SLC5A4: variants seen among roughly 807,000 people sequenced by gnomAD.
SLC5A4 encodes solute carrier family 5 member 4, also known as probable glucose sensor protein SLC5A4.
SLC5A4 carries 55 observed loss-of-function variants against 70.3 expected under a neutral mutation model. That is an observed-to-expected ratio of 0.78 (90% confidence interval 0.63 to 0.98). SLC5A4 has a LOEUF of 0.98. Among genes scored for constraint, SLC5A4 ranks in the 50% least tolerant of loss-of-function variants. SLC5A4 has a pLI of 0.00. For missense variants in SLC5A4, 735 were observed against 839.2 expected (o/e 0.88, Z 1.53); for synonymous variants, 268 against 305.7 (o/e 0.88, Z 1.29).
the SLC5A4 span, among the ~76,000 whole-genome samples, chr22:32,339,862 T>C: frequency 6.6e-6 from 1 of 152,338 alleles, no homozygotes; most frequent in Admixed American, 6.5e-5. Flanking sequence ...AGGACTTGTT[T>C]CACTGACACC....
the SLC5A4 span, among the ~76,000 whole-genome samples, chr22:32,294,496 A>G: frequency 1.3e-5 from 2 of 152,152 alleles, no homozygotes; most frequent in African/African-American, 4.8e-5. Flanking sequence ...ACTTGAAGAT[A>G]CAGGGCATTT....
the SLC5A4 span, among the ~76,000 whole-genome samples, chr22:32,324,200 C>A: frequency 7.0e-6 from 1 of 142,604 alleles, no homozygotes; most frequent in South Asian, 2.2e-4. Context: ...TGCTTCATTA[C>A]TTTTTATACC....
chr22:32,263,332 T>A, the SLC5A4 span, among the ~76,000 whole-genome samples: 126 of 152,338 alleles, frequency 8.3e-4, no homozygotes, highest in Admixed American at 1.2e-3. Flanking sequence ...AAAAAGATTT[T>A]AAGAGAATAC....
the SLC5A4 span, among the ~76,000 whole-genome samples, chr22:32,315,154 G>T: frequency 3.3e-5 from 5 of 152,182 alleles, no homozygotes; most frequent in Non-Finnish European, 7.3e-5. Context: ...CAAATGAAGA[G>T]AAATCAGGGG....
At chr22:32,247,584 T>C in intron 4 of SLC5A4, 69 bp from the exon 5 acceptor site, 1 of 990,974 alleles carries the variant, frequency 1.0e-6, no homozygotes, top group Non-Finnish European at 1.6e-6. Context: ...TTATTCAGCA[T>C]TTCCTAAGCA....
chr22:32,343,984 C>T, the SLC5A4 span, among the ~76,000 whole-genome samples: 1 of 152,178 alleles, frequency 6.6e-6, no homozygotes, highest in East Asian at 1.9e-4. Context: ...TAAGAAAATG[C>T]TTAGCAACAT....
chr22:32,270,180 C>A, the SLC5A4 span: 1 of 659,002 alleles, frequency 1.5e-6, no homozygotes, highest in Non-Finnish European at 2.8e-6. Context: ...GGGCACACAG[C>A]TGGCCACCTA....
At chr22:32,349,068 A>G in the SLC5A4 span, among the ~76,000 whole-genome samples, 2 of 152,086 alleles carry the variant, frequency 1.3e-5, no homozygotes, top group Non-Finnish European at 1.5e-5. Flanking sequence ...TCTGCCTCCC[A>G]GGTTCAAGTG....
chr22:32,308,068 CCTT>C, the SLC5A4 span, among the ~76,000 whole-genome samples: 2 of 152,080 alleles, frequency 1.3e-5, no homozygotes, highest in Non-Finnish European at 2.9e-5. Flanking sequence ...TTCCTTCCTT[CCTT>C]CTTACCTACC....
At chr22:32,317,621 C>T in the SLC5A4 span, among the ~76,000 whole-genome samples, 1 of 152,140 alleles carries the variant, frequency 6.6e-6, no homozygotes, top group East Asian at 1.9e-4. Flanking sequence ...CACCACTACA[C>T]CCAGCTAATT....
chr22:32,354,579 T>C, the SLC5A4 span, among the ~76,000 whole-genome samples: 2 of 151,234 alleles, frequency 1.3e-5, no homozygotes, highest in South Asian at 4.2e-4. Flanking sequence ...GGCCACTGCA[T>C]CCCCAGATAG....
intron 11 of SLC5A4, among the ~76,000 whole-genome samples, chr22:32,228,044 T>C (rs1925506361): frequency 6.6e-6 from 1 of 152,146 alleles, no homozygotes; most frequent in Non-Finnish European, 1.5e-5. Flanking sequence ...GACTAAGCTA[T>C]AGCATCACAA....
chr22:32,224,310 G>A lies in SLC5A4; in HGVS notation c.1622C>T (p.Thr541Ile). 6.2e-7 allele frequency: 1 copy of A among 1,614,018 alleles called. No individual in the cohort carries two copies. Among genetic ancestry groups the A allele is most frequent in the Non-Finnish European group, 8.5e-7 (1 of 1,179,920 alleles). The change falls in exon 13 of 15, where the codon ACC becomes ATC. Residue 541 changes from threonine to isoleucine, a missense_variant. By Grantham distance (89) the Thr-to-Ile change is moderately conservative (BLOSUM62 -1). Coordinates refer to ENST00000266086, the MANE Select transcript of SLC5A4 (RefSeq NM_014227.3). ...IVLFFGSMLV[T>I]LGISLLTKPI... ...TTTTGTTAAGAGGGAAATTCCCAGG[G>A]TGACCAGCATGGACCCAAAAAAGAG... is the stretch of plus-strand genomic sequence containing the variant.
chr22:32,323,472 C>CA, the SLC5A4 span, among the ~76,000 whole-genome samples: 1 of 152,236 alleles, frequency 6.6e-6, no homozygotes, highest in Admixed American at 6.5e-5. Flanking sequence ...AGCCCATCTC[C>CA]AACCTCCATG....
In SLC5A4 at chr22:32,235,118, A is replaced by C. The variant is rs1273661483; in HGVS notation, c.665-25T>G. 2.6e-6 allele frequency: 4 copies of C among 1,531,868 alleles called. No individual in the cohort carries two copies. The East Asian group carries it at 9.0e-5, about 34-fold the overall frequency. The allele number at this position is 1,531,868 out of a possible 1,614,324, so 94.9% of individuals were successfully genotyped here. A position where few individuals can be genotyped will look rare whatever the true frequency, so the allele number is the denominator to read the frequency against. On this transcript the variant is annotated intron_variant, in intron 7 of 14. Coordinates refer to ENST00000266086, the MANE Select transcript of SLC5A4 (RefSeq NM_014227.3). ...GCTAAAAAGGCATCAGAGTAAAATG[A>C]GATGTCTTACTGAAATCTAAGACAT...
chr22:32,240,625 G>C (rs1030687997), intron 5 of SLC5A4, among the ~76,000 whole-genome samples: 2 of 152,042 alleles, frequency 1.3e-5, no homozygotes, highest in Non-Finnish European at 2.9e-5. Context: ...TCTCTGTTCT[G>C]GAAAAACTTA....
At chr22:32,228,904 C>T (rs192885040) in intron 11 of SLC5A4, among the ~76,000 whole-genome samples, 47 of 152,208 alleles carry the variant, frequency 3.1e-4, no homozygotes, top group Admixed American at 1.6e-3. Context: ...TATTAAAATA[C>T]TGGTGGAGTT....
the SLC5A4 span, among the ~76,000 whole-genome samples, chr22:32,304,208 C>T: frequency 3.3e-5 from 5 of 152,138 alleles, no homozygotes; most frequent in African/African-American, 1.2e-4. Flanking sequence ...CCTACTGCAA[C>T]CTCTGTCTCC....
chr22:32,236,245 A>G (rs1199142418), intron 7 of SLC5A4, among the ~76,000 whole-genome samples: 2 of 152,256 alleles, frequency 1.3e-5, no homozygotes, highest in African/African-American at 2.4e-5. Flanking sequence ...TAGTTTTCCT[A>G]TGCAAAGATA....
Sources: gnomAD v4.1 joint callset for allele counts (sites outside exome capture counted in the v4.1 genomes callset) on GRCh38, gnomAD v4.1.1 for gene constraint, MANE v1.5 for transcripts, NCBI Gene and HGNC (gene_info 2026-07-23, HGNC 2026-07-21) for gene names.